KRT8: variants seen among roughly 807,000 people sequenced by gnomAD.
KRT8 encodes the protein keratin, type II cytoskeletal 8.
In KRT8, 24 loss-of-function variants were observed where a neutral mutation model predicts 43.0. The observed-to-expected ratio is 0.56, with a 90% CI of 0.40 to 0.78. The LOEUF (loss-of-function observed/expected upper bound fraction) is 0.78, where lower values mean the gene tolerates loss of function less well. Among genes scored for constraint, KRT8 ranks in the 30% least tolerant of loss-of-function variants. KRT8 has a pLI of 0.00. For synonymous variants in KRT8, 214 were observed against 261.2 expected, an observed-to-expected ratio of 0.82 and a Z score of 1.74; for missense variants, 492 against 638.4, an observed-to-expected ratio of 0.77 and a Z score of 2.47.
At chr12:52,924,028 G>C (rs553961274) in intron 2 of KRT8, among the ~76,000 whole-genome samples, 99 of 151,976 alleles carry the variant, frequency 6.5e-4, no homozygotes, top group African/African-American at 2.4e-3. Flanking sequence ...TATTTTTTCA[G>C]TAGAGACGGG....
intron 2 of KRT8, among the ~76,000 whole-genome samples, chr12:52,929,459 G>A (rs1318990009): frequency 6.6e-6 from 1 of 152,178 alleles, no homozygotes; most frequent in Non-Finnish European, 1.5e-5. Flanking sequence ...CTCCCAAAGT[G>A]CTGGGATTAT....
rs1354459521 is a variant in KRT8 at position 52,949,098 on chromosome 12, G to A, written c.-47+358C>T. 6 of 1,321,458 alleles carry A rather than the reference G, an allele frequency of 4.5e-6. No individual in the cohort carries two copies. The African/African-American group carries it at 5.4e-5, about 12-fold the overall frequency. The allele number at this position is 1,321,458 out of a possible 1,614,324, so 81.9% of individuals were successfully genotyped here. A position where few individuals can be genotyped will look rare whatever the true frequency, so the allele number is the denominator to read the frequency against. On this transcript the variant is annotated intron_variant, in intron 2 of 6. Coordinates refer to the KRT8 transcript ENST00000546826. ...GGGGCCTCACTCTGCGATATAACTCGGGTCGCGCGGCTCGCGCAGGCCGCC... is the reference window on the plus strand; with the variant it reads ...GGGGCCTCACTCTGCGATATAACTCAGGTCGCGCGGCTCGCGCAGGCCGCC...
chr12:52,919,515 G>A (rs140015056), intron 2 of KRT8, among the ~76,000 whole-genome samples: 7 of 152,140 alleles, frequency 4.6e-5, no homozygotes, highest in African/African-American at 7.2e-5. Context: ...TGATCTGCTC[G>A]CCTCAGCCTC....
rs531037392 is a variant in KRT8 at position 52,930,535 on chromosome 12, C to T, written c.-47+18921G>A. ...CACGCCCGGCCCCCAATTCTGTCTT[C>T]CAAACTTTCCTTTTTTTGTTGTTGT... On this transcript the variant is annotated intron_variant, in intron 2 of 6. Coordinates refer to the KRT8 transcript ENST00000546826. Among the ~76,000 whole-genome samples, 71 of 148,514 alleles carry T rather than the reference C, an allele frequency of 4.8e-4. No homozygotes were observed. The Middle Eastern group carries it at 0.016, about 33-fold the overall frequency.
rs113286647 is a variant in KRT8, at chr12:52,916,982, A to T, written c.-46-11955T>A. On this transcript the variant is annotated intron_variant, in intron 2 of 6. Coordinates refer to the KRT8 transcript ENST00000546826. ...TCAGGACTGCCTGGAGGAATAGGGGACATTCATCGGTGTGACCCAAGGGAT... is the reference window on the plus strand; with the variant it reads ...TCAGGACTGCCTGGAGGAATAGGGGTCATTCATCGGTGTGACCCAAGGGAT... Among the ~76,000 whole-genome samples, 763 of 152,270 alleles carry T rather than the reference A, an allele frequency of 5.0e-3. 7 individuals carry two copies. The highest frequency in any genetic ancestry group is 0.017 in the African/African-American group (702 of 41,560).
upstream of KRT8, among the ~76,000 whole-genome samples, chr12:52,909,953 T>C (rs1253400586): frequency 6.6e-6 from 1 of 152,082 alleles, no homozygotes; most frequent in Non-Finnish European, 1.5e-5. Flanking sequence ...TTTTCTTTTT[T>C]TTAGAGACAG....
At position 52,934,909 on chromosome 12, in the gene KRT8, C is replaced by T. The variant is rs527935518; in HGVS notation, c.-47+14547G>A. Reference sequence around the variant, plus strand: ...GCTTGAACCCGGGAGGCAGAGGTTGCAGTGAGCCGAGGTCGCACCATTGCA... The same window carrying T: ...GCTTGAACCCGGGAGGCAGAGGTTGTAGTGAGCCGAGGTCGCACCATTGCA... On this transcript the variant is annotated intron_variant, in intron 2 of 6. Coordinates refer to the KRT8 transcript ENST00000546826. Among the ~76,000 whole-genome samples, 19 of 151,710 alleles carry T rather than the reference C, an allele frequency of 1.3e-4. No individual in the cohort carries two copies. In the East Asian group the frequency reaches 3.3e-3, roughly 27 times the overall value.
rs138993396 is a variant in KRT8, at chr12:52,926,222, C to G, written c.-46-21195G>C. On this transcript the variant is annotated intron_variant, in intron 2 of 6. Coordinates refer to the KRT8 transcript ENST00000546826. ...CAGCCAGACTGATCTTCTACAAACA[C>G]TGCTTTGATCCTGTCACTCCCTAGC... is the stretch of plus-strand genomic sequence containing the variant. 3.5e-3 allele frequency among the ~76,000 whole-genome samples: 507 copies of G among 145,802 alleles called. 1 individual carries two copies. Among genetic ancestry groups the G allele is most frequent in the Middle Eastern group, 0.018 (5 of 278 alleles).
chr12:52,919,949 T>C (rs964120496), intron 2 of KRT8, among the ~76,000 whole-genome samples: 14 of 152,076 alleles, frequency 9.2e-5, no homozygotes, highest in Non-Finnish European at 1.6e-4. Flanking sequence ...CACCTATTAT[T>C]TATAATCCTA....
chr12:52,918,712 TAGC>T (rs1355458073), intron 2 of KRT8, among the ~76,000 whole-genome samples: 1 of 152,154 alleles, frequency 6.6e-6, no homozygotes, highest in Non-Finnish European at 1.5e-5. Context: ...GTGCCTAAAA[TAGC>T]AGGTTTTCAA....
Position 52,914,868 on chromosome 12 carries a change from G to C in KRT8, c.-46-9841C>G, listed in dbSNP as rs75541238. On this transcript the variant is annotated intron_variant, in intron 2 of 6. Coordinates refer to the KRT8 transcript ENST00000546826. Reference sequence around the variant, plus strand: ...CAGGCCATCTCCCTGCTGCAGGAAGGGCGACCACTAAGGGAGCACCTCTTT... The same window carrying C: ...CAGGCCATCTCCCTGCTGCAGGAAGCGCGACCACTAAGGGAGCACCTCTTT... Among the ~76,000 whole-genome samples, 466 of 152,232 alleles carry C rather than the reference G, an allele frequency of 3.1e-3. 2 individuals carry two copies. Among genetic ancestry groups the C allele is most frequent in the African/African-American group, 9.4e-3 (391 of 41,558 alleles).
intron 2 of KRT8, among the ~76,000 whole-genome samples, chr12:52,942,276 C>T (rs1009906870): frequency 2.0e-5 from 3 of 152,150 alleles, no homozygotes; most frequent in South Asian, 2.1e-4. Flanking sequence ...AGCTGGAGAT[C>T]AGAGAAGCTC....
chr12:52,898,923 T>C (rs977363951), intron 5 of KRT8, 24 bp from the exon 6 acceptor site: 32 of 1,608,136 alleles, frequency 2.0e-5, no homozygotes, highest in Non-Finnish European at 2.7e-5. Flanking sequence ...GACAGGTAAG[T>C]AGGTCAGGTT....
At chr12:52,940,600 A>G (rs1942251670) in intron 2 of KRT8, among the ~76,000 whole-genome samples, 1 of 150,934 alleles carries the variant, frequency 6.6e-6, no homozygotes, top group East Asian at 1.9e-4. Context: ...TGAGCAATGA[A>G]CTTGACTATA....
upstream of KRT8, among the ~76,000 whole-genome samples, chr12:52,905,760 C>T (rs1941503845): frequency 6.6e-6 from 1 of 152,014 alleles, no homozygotes; most frequent in Admixed American, 6.6e-5. Flanking sequence ...CATACACACA[C>T]AGTGGCTGTC....
At chr12:52,926,771 G>A (rs556096168) in intron 2 of KRT8, among the ~76,000 whole-genome samples, 1 of 152,156 alleles carries the variant, frequency 6.6e-6, no homozygotes, top group Non-Finnish European at 1.5e-5. Flanking sequence ...AAGGCTCTAA[G>A]AAGTAATGTG....
intron 5 of KRT8, 104 bp from the exon 6 acceptor site, chr12:52,899,003 T>G: frequency 1.0e-6 from 1 of 958,800 alleles, no homozygotes; most frequent in Non-Finnish European, 1.6e-6. Flanking sequence ...CTAGGCTGAC[T>G]CCCCCCAGCT....
At chr12:52,900,722 A>C (rs1227487969) in intron 3 of KRT8, 39 bp from the exon 4 acceptor site, 1 of 1,451,652 alleles carries the variant, frequency 6.9e-7, no homozygotes, top group African/African-American at 1.4e-5. Flanking sequence ...CTGGGTTTCC[A>C]CACCCAACCC....
At chr12:52,926,579 T>TGG in intron 2 of KRT8, 2 of 852,486 alleles carry the variant, frequency 2.3e-6, no homozygotes, top group South Asian at 3.3e-5. Context: ...ACCCCTGGGC[T>TGG]GGGTTACACT....
Sources: allele counts gnomAD v4.1 joint callset (sites outside exome capture counted in the v4.1 genomes callset), GRCh38; gene constraint gnomAD v4.1.1; transcripts MANE v1.5; gene names NCBI Gene and HGNC (gene_info 2026-07-23, HGNC 2026-07-21).